Variants in TMEM108 observed in about 807,000 individuals in gnomAD.
TMEM108 encodes cancer/testis antigen 124.
In TMEM108, 12 loss-of-function variants were observed where a neutral mutation model predicts 35.1. The ratio of observed to expected loss-of-function variants is 0.34; its 90% CI spans 0.22 to 0.55. TMEM108 has a LOEUF of 0.55. Ranked by LOEUF, TMEM108 falls within the 20% of genes least tolerant of loss-of-function variation. The pLI, the probability that TMEM108 is intolerant of heterozygous loss-of-function variation, is 0.89. For synonymous variants in TMEM108, 287 were observed against 308.6 expected, an observed-to-expected ratio of 0.93 and a Z score of 0.73; for missense variants, 680 against 753.3, an observed-to-expected ratio of 0.90 and a Z score of 1.14.
intron 2 of TMEM108, among the ~76,000 whole-genome samples, chr3:133,047,457 T>C (rs917223803): frequency 2.0e-5 from 3 of 152,182 alleles, no homozygotes; most frequent in East Asian, 3.9e-4. Context: ...TGGGGTCAAA[T>C]AAAGTAATGC....
intron 3 of TMEM108, among the ~76,000 whole-genome samples, chr3:133,267,038 G>A (rs1044561914): frequency 6.2e-5 from 9 of 144,604 alleles, no homozygotes; most frequent in South Asian, 2.2e-4. Context: ...TCGAGATCGC[G>A]CCACTGCACT....
chr3:133,345,509 G>A (rs1227256092), intron 3 of TMEM108, among the ~76,000 whole-genome samples: 1 of 151,734 alleles, frequency 6.6e-6, no homozygotes. Context: ...ATGATTACTA[G>A]ATAACCGTCA....
intron 2 of TMEM108, among the ~76,000 whole-genome samples, chr3:133,223,878 A>T (rs1229774033): frequency 4.6e-5 from 7 of 152,202 alleles, no homozygotes; most frequent in Non-Finnish European, 8.8e-5. Context: ...CTACAAGAAG[A>T]CCTAATTAAG....
chr3:133,203,074 C>T (rs1163726016), intron 2 of TMEM108, among the ~76,000 whole-genome samples: 3 of 152,190 alleles, frequency 2.0e-5, no homozygotes, highest in Non-Finnish European at 4.4e-5. Context: ...GCAGTTCACT[C>T]ATGATTTGGC....
At chr3:133,145,269 G>T (rs1250264211) in intron 2 of TMEM108, among the ~76,000 whole-genome samples, 1 of 152,094 alleles carries the variant, frequency 6.6e-6, no homozygotes, top group African/African-American at 2.4e-5. Context: ...AGATCAGATG[G>T]TTGTAGATGT....
chr3:133,338,770 G>T (rs777183498), intron 3 of TMEM108, among the ~76,000 whole-genome samples: 1 of 151,928 alleles, frequency 6.6e-6, no homozygotes, highest in South Asian at 2.1e-4. Flanking sequence ...TTGACAGCAC[G>T]ATAAGATATA....
chr3:133,378,634 A>G, intron 3 of TMEM108: 1 of 697,694 alleles, frequency 1.4e-6, no homozygotes, highest in Non-Finnish European at 1.8e-6. Flanking sequence ...TGTGTTGTCA[A>G]CGGCTCCTAC....
chr3:133,192,022 A>T (rs528863156), intron 2 of TMEM108, among the ~76,000 whole-genome samples: 1 of 147,034 alleles, frequency 6.8e-6, no homozygotes, highest in African/African-American at 2.7e-5. Flanking sequence ...CTCTGCCCCT[A>T]TCCCACTCTG....
intron 2 of TMEM108, among the ~76,000 whole-genome samples, chr3:133,078,189 A>G (rs5004142): frequency 0.52 from 72,944 of 140,200 alleles, 18,272 homozygotes; most frequent in African/African-American, 0.65. Context: ...GTGTGTGTGT[A>G]TATCTCAGAT....
chr3:133,278,330 A>G lies in TMEM108; in HGVS notation c.40+48979A>G, dbSNP rs146565170. ...TTTTAAAGCAGTCCATTCCAAGCCT[A>G]TTGCTTTATTTGTAAAATGGGGACA... On this transcript the variant is annotated intron_variant, in intron 3 of 5. Coordinates refer to ENST00000321871, the MANE Select transcript of TMEM108 (RefSeq NM_023943.4). Among the ~76,000 whole-genome samples the G allele has an allele frequency of 3.4e-3, 512 of 152,300 alleles. 5 individuals carry two copies. The highest frequency in any genetic ancestry group is 0.012 in the African/African-American group (478 of 41,562).
chr3:133,275,536 C>G (rs1946827218), intron 3 of TMEM108, among the ~76,000 whole-genome samples: 2 of 152,176 alleles, frequency 1.3e-5, no homozygotes, highest in Admixed American at 1.3e-4. Flanking sequence ...TTGGATAATG[C>G]AGCCTGGACT....
intron 3 of TMEM108, among the ~76,000 whole-genome samples, chr3:133,318,567 A>G (rs1398758627): frequency 1.3e-5 from 2 of 152,188 alleles, no homozygotes; most frequent in Non-Finnish European, 1.5e-5. Flanking sequence ...CCATGTTCTC[A>G]TAAGTACCTC....
chr3:133,157,721 A>C (rs1243606045), intron 2 of TMEM108, among the ~76,000 whole-genome samples: 2 of 152,194 alleles, frequency 1.3e-5, no homozygotes, highest in African/African-American at 4.8e-5. Context: ...TTAAACTCTT[A>C]TCTGCATTAA....
intron 3 of TMEM108, among the ~76,000 whole-genome samples, chr3:133,320,968 G>T (rs1191188632): frequency 6.6e-6 from 1 of 152,136 alleles, no homozygotes; most frequent in African/African-American, 2.4e-5. Flanking sequence ...ACTAACAAAT[G>T]CTGAGAGCAT....
chr3:133,149,832 A>G (rs1003376332), intron 2 of TMEM108, among the ~76,000 whole-genome samples: 2 of 152,158 alleles, frequency 1.3e-5, no homozygotes, highest in Non-Finnish European at 2.9e-5. Flanking sequence ...AAGGGAATAT[A>G]TATATATATG....
intron 2 of TMEM108, among the ~76,000 whole-genome samples, chr3:133,171,754 T>C (rs1188209487): frequency 6.6e-6 from 1 of 152,212 alleles, no homozygotes; most frequent in Non-Finnish European, 1.5e-5. Context: ...CTTAAATAGA[T>C]GTCTATTCAG....
intron 2 of TMEM108, among the ~76,000 whole-genome samples, chr3:133,213,509 T>C (rs930297922): frequency 2.0e-5 from 3 of 152,228 alleles, no homozygotes; most frequent in Non-Finnish European, 1.5e-5. Flanking sequence ...AACAAGAGTA[T>C]TCTGTTCATA....
At chr3:133,372,769 C>T (rs2072712513) in intron 3 of TMEM108, among the ~76,000 whole-genome samples, 2 of 152,178 alleles carry the variant, frequency 1.3e-5, no homozygotes, top group Admixed American at 1.3e-4. Context: ...GCCTTGTTAT[C>T]TGAGGCATGT....
At chr3:133,167,974 T>A (rs1397586015) in intron 2 of TMEM108, among the ~76,000 whole-genome samples, 1 of 152,174 alleles carries the variant, frequency 6.6e-6, no homozygotes, top group African/African-American at 2.4e-5. Flanking sequence ...GTGTGTGACT[T>A]AACCCTTTCC....
Sources: allele counts gnomAD v4.1 joint callset (sites outside exome capture counted in the v4.1 genomes callset), GRCh38; gene constraint gnomAD v4.1.1; transcripts MANE v1.5; gene names NCBI Gene and HGNC (gene_info 2026-07-23, HGNC 2026-07-21).